The following CSMD1 variants were observed in gnomAD, a reference collection of about 807,000 sequenced individuals.
CSMD1 encodes CUB and sushi domain-containing protein 1.
A neutral mutation model predicts 417.5 loss-of-function variants in CSMD1; 213 were observed. The observed-to-expected ratio is 0.51, with a 90% CI of 0.46 to 0.57. The LOEUF (loss-of-function observed/expected upper bound fraction) is 0.57. CSMD1 is among the 20% of genes least tolerant of loss of function. The pLI is 0.00. For missense variants in CSMD1, 6,923 were observed against 4,529.7 expected, an observed-to-expected ratio of 1.53 and a Z score of -15.17; for synonymous variants, 2,862 against 1,736.8, an observed-to-expected ratio of 1.65 and a Z score of -16.11.
At chr8:4,274,306 A>G (rs1331793646) in intron 3 of CSMD1, among the ~76,000 whole-genome samples, 2 of 152,106 alleles carry the variant, frequency 1.3e-5, no homozygotes, top group East Asian at 3.9e-4. Flanking sequence ...GTATCACCCA[A>G]CTGGCATACG....
intron 1 of CSMD1, among the ~76,000 whole-genome samples, chr8:4,795,478 G>A (rs1192693319): frequency 1.3e-5 from 2 of 151,542 alleles, no homozygotes; most frequent in African/African-American, 4.8e-5. Flanking sequence ...CACCGTGTTA[G>A]CCAGGATGGT....
At chr8:3,192,814 G>T (rs1296644670) in intron 33 of CSMD1, among the ~76,000 whole-genome samples, 2 of 152,016 alleles carry the variant, frequency 1.3e-5, no homozygotes, top group African/African-American at 4.8e-5. Context: ...CAGATTTGGA[G>T]CATTTTGAAT....
chr8:4,656,451 G>C (rs747439414), intron 1 of CSMD1, among the ~76,000 whole-genome samples: 9 of 152,004 alleles, frequency 5.9e-5, no homozygotes, highest in Non-Finnish European at 1.3e-4. Context: ...AAAGCTTAAA[G>C]CACTTAACCT....
At chr8:3,890,585 C>A (rs1806901834) in intron 5 of CSMD1, among the ~76,000 whole-genome samples, 1 of 152,094 alleles carries the variant, frequency 6.6e-6, no homozygotes, top group Middle Eastern at 3.4e-3. Context: ...GGTTTTTATG[C>A]CGATTTCAGG....
intron 1 of CSMD1, among the ~76,000 whole-genome samples, chr8:4,816,263 C>G (rs116881268): frequency 0.025 from 3,852 of 152,134 alleles, 60 homozygotes; most frequent in Non-Finnish European, 0.039. Flanking sequence ...TGGCTCACTG[C>G]AAACTCTGCC....
intron 2 of CSMD1, among the ~76,000 whole-genome samples, chr8:4,572,653 A>AC (rs1242560647): frequency 6.6e-6 from 1 of 152,118 alleles, no homozygotes; most frequent in African/African-American, 2.4e-5. Flanking sequence ...CCTGAATTTG[A>AC]ATGTTGGCCT....
At chr8:4,711,267 T>G (rs1236316728) in intron 1 of CSMD1, among the ~76,000 whole-genome samples, 1 of 152,112 alleles carries the variant, frequency 6.6e-6, no homozygotes, top group Non-Finnish European at 1.5e-5. Context: ...ATCACACTTA[T>G]AAAAGAGCAC....
chr8:3,875,413 T>A (rs1460716320), intron 5 of CSMD1, among the ~76,000 whole-genome samples: 1 of 152,078 alleles, frequency 6.6e-6, no homozygotes, highest in East Asian at 1.9e-4. Flanking sequence ...AGTTATGGAT[T>A]GGAGGAGTTC....
chr8:4,216,401 T>A lies in CSMD1; in HGVS notation c.416-184302A>T, dbSNP rs188837436. Among the ~76,000 whole-genome samples, 14 of 152,314 alleles carry A rather than the reference T, an allele frequency of 9.2e-5. No homozygotes were observed. In the East Asian group the frequency reaches 2.5e-3, roughly 27 times the overall value. On this transcript the variant is annotated intron_variant, in intron 3 of 69. Coordinates refer to ENST00000635120, the MANE Select transcript of CSMD1 (RefSeq NM_033225.6). ...ACCATCAGAATAGTGTGTACTATTG[T>A]GTGCATGGTAAAATTAATACTTATT...
chr8:4,740,794 G>A (rs73661107), intron 1 of CSMD1, among the ~76,000 whole-genome samples: 2,116 of 152,224 alleles, frequency 0.014, 41 homozygotes, highest in African/African-American at 0.045. Flanking sequence ...TATTTTCAAA[G>A]CACAGGTATA....
chr8:3,424,085 CATT>C (rs1379057104), intron 12 of CSMD1, among the ~76,000 whole-genome samples: 1 of 152,126 alleles, frequency 6.6e-6, no homozygotes, highest in Non-Finnish European at 1.5e-5. Context: ...TCAATGCACC[CATT>C]ATTCAATTAT....
chr8:4,022,182 G>GTATATATATATTAATATATA (rs766026029), intron 4 of CSMD1, among the ~76,000 whole-genome samples: 735 of 57,766 alleles, frequency 0.013, 5 homozygotes, highest in African/African-American at 0.035. Context: ...GTATATTTAT[G>GTATATATATATTAATATATA]TGTATATATA....
intron 3 of CSMD1, among the ~76,000 whole-genome samples, chr8:4,326,437 G>C (rs908429047): frequency 7.9e-5 from 12 of 152,146 alleles, no homozygotes; most frequent in Non-Finnish European, 1.6e-4. Context: ...GGCAGCTACT[G>C]AGCAAGAGGT....
At chr8:4,239,858 T>G (rs1802286186) in intron 3 of CSMD1, among the ~76,000 whole-genome samples, 1 of 152,190 alleles carries the variant, frequency 6.6e-6, no homozygotes, top group Admixed American at 6.5e-5. Flanking sequence ...TGGAATATAG[T>G]GAAAAACAAA....
chr8:2,985,998 G>C (rs1359440410), intron 54 of CSMD1, among the ~76,000 whole-genome samples: 1 of 143,096 alleles, frequency 7.0e-6, no homozygotes, highest in East Asian at 2.0e-4. Context: ...GAAAGGGGAA[G>C]CGGAAGGGGA....
chr8:3,462,767 C>A (rs149764422), intron 12 of CSMD1, among the ~76,000 whole-genome samples: 11 of 152,030 alleles, frequency 7.2e-5, no homozygotes, highest in African/African-American at 2.7e-4. Flanking sequence ...ACCTTAAAAC[C>A]GGTCCCTTGT....
At chr8:3,381,229 C>A (rs983914884) in intron 18 of CSMD1, among the ~76,000 whole-genome samples, 13 of 151,798 alleles carry the variant, frequency 8.6e-5, no homozygotes, top group Non-Finnish European at 1.9e-4. Flanking sequence ...AACAACTTGA[C>A]AAGCCCCATG....
At chr8:4,077,502 T>C (rs577690687) in intron 3 of CSMD1, among the ~76,000 whole-genome samples, 10 of 152,104 alleles carry the variant, frequency 6.6e-5, no homozygotes, top group South Asian at 2.1e-4. Context: ...TTTACTTGCA[T>C]TGTTTAACTT....
chr8:4,973,783 A>G (rs1195438401), intron 1 of CSMD1, among the ~76,000 whole-genome samples: 1 of 152,204 alleles, frequency 6.6e-6, no homozygotes, highest in African/African-American at 2.4e-5. Flanking sequence ...AGGGAAACTT[A>G]GAATTTTATG....
Sources: allele counts gnomAD v4.1 joint callset (sites outside exome capture counted in the v4.1 genomes callset), GRCh38; gene constraint gnomAD v4.1.1; transcripts MANE v1.5; gene names NCBI Gene and HGNC (gene_info 2026-07-23, HGNC 2026-07-21).